AP3B1: variants seen among roughly 807,000 people sequenced by gnomAD.
The protein encoded by AP3B1 is AP-3 complex subunit beta-1.
A neutral mutation model predicts 132.5 loss-of-function variants in AP3B1; 61 were observed. The ratio of observed to expected loss-of-function variants is 0.46; its 90% CI spans 0.37 to 0.57. The LOEUF is 0.57. AP3B1 is among the 20% of genes least tolerant of loss of function. The pLI is 0.00. For synonymous variants in AP3B1, 388 were observed against 438.3 expected (o/e 0.89, Z 1.43); for missense variants, 1,120 against 1,289.4 (o/e 0.87, Z 2.01).
chr5:78,278,850 T>G (rs1169309665), intron 1 of AP3B1, among the ~76,000 whole-genome samples: 1 of 152,036 alleles, frequency 6.6e-6, no homozygotes, highest in African/African-American at 2.4e-5. Flanking sequence ...TCTTGTAAAC[T>G]GTGCATGCGA....
chr5:78,010,362 A>G (rs937493118), intron 26 of AP3B1, among the ~76,000 whole-genome samples: 3 of 152,194 alleles, frequency 2.0e-5, no homozygotes, highest in Admixed American at 1.3e-4. Context: ...GCTGCCTAAA[A>G]TAGAGATTCC....
rs115787529 is a variant in AP3B1 at position 78,191,420 on chromosome 5, C to T, written c.787-9758G>A. ...AAGAGGAAGCTGAGAGGCCTAAAAG[C>T]TCAGTAGAGCTTTCAGCAGGTTAAC... On this transcript the variant is annotated intron_variant, in intron 7 of 26. Coordinates refer to ENST00000255194, the MANE Select transcript of AP3B1 (RefSeq NM_003664.5). Among the ~76,000 whole-genome samples the T allele has an allele frequency of 7.4e-3, 1,098 of 148,404 alleles. 9 individuals are homozygous for T. Among genetic ancestry groups the T allele is most frequent in the African/African-American group, 0.026 (1,042 of 39,978 alleles).
chr5:78,266,130 T>C (rs895108181), intron 2 of AP3B1, among the ~76,000 whole-genome samples: 12 of 152,212 alleles, frequency 7.9e-5, no homozygotes, highest in Admixed American at 7.2e-4. Context: ...AATGAAGAGC[T>C]AGCAGTCAAG....
intron 7 of AP3B1, among the ~76,000 whole-genome samples, chr5:78,210,546 A>G (rs561501038): frequency 6.6e-6 from 1 of 152,336 alleles, no homozygotes; most frequent in South Asian, 2.1e-4. Flanking sequence ...TTAAACTGGC[A>G]TAAATACTGC....
At chr5:78,237,803 A>AC (rs772947245) in intron 3 of AP3B1, among the ~76,000 whole-genome samples, 1 of 152,098 alleles carries the variant, frequency 6.6e-6, no homozygotes, top group Non-Finnish European at 1.5e-5. Context: ...ACACAGCGAG[A>AC]CCCTGTCTCC....
chr5:78,151,077 C>T (rs1753630955), intron 14 of AP3B1, among the ~76,000 whole-genome samples: 1 of 152,084 alleles, frequency 6.6e-6, no homozygotes, highest in African/African-American at 2.4e-5. Context: ...CACCACCACG[C>T]CCAGCTAATT....
intron 7 of AP3B1, among the ~76,000 whole-genome samples, chr5:78,182,527 A>G (rs554010435): frequency 6.6e-6 from 1 of 152,360 alleles, no homozygotes; most frequent in Admixed American, 6.5e-5. Flanking sequence ...CTCAAGATCC[A>G]AAGAAAGACA....
chr5:78,289,133 C>T (rs147381126), intron 1 of AP3B1, among the ~76,000 whole-genome samples: 17 of 152,238 alleles, frequency 1.1e-4, no homozygotes, highest in Non-Finnish European at 2.2e-4. Context: ...TAACATCCCT[C>T]TAAGTAAATG....
At chr5:78,274,039 A>AG (rs1748669207) in intron 1 of AP3B1, among the ~76,000 whole-genome samples, 1 of 151,422 alleles carries the variant, frequency 6.6e-6, no homozygotes, top group Non-Finnish European at 1.5e-5. Context: ...AAGGAAAAAA[A>AG]AAAAAAAAAA....
chr5:78,285,080 T>A (rs13180053), intron 1 of AP3B1, among the ~76,000 whole-genome samples: 34,220 of 151,876 alleles, frequency 0.23, 4,510 homozygotes, highest in Middle Eastern at 0.3. Context: ...ACCCCGTCTC[T>A]ACTAAAAATA....
chr5:78,107,460 GAA>G (rs1182234598), intron 20 of AP3B1, among the ~76,000 whole-genome samples: 7 of 152,186 alleles, frequency 4.6e-5, no homozygotes, highest in Non-Finnish European at 8.8e-5. Flanking sequence ...TTTAAATGCT[GAA>G]AAAACCTGAA....
intron 2 of AP3B1, among the ~76,000 whole-genome samples, chr5:78,259,971 A>G (rs933078021): frequency 2.0e-5 from 3 of 151,996 alleles, no homozygotes; most frequent in Non-Finnish European, 4.4e-5. Flanking sequence ...CTCCATCTCA[A>G]AAAAACAAAA....
At chr5:78,226,639 C>T (rs1386945390) in intron 5 of AP3B1, among the ~76,000 whole-genome samples, 2 of 152,050 alleles carry the variant, frequency 1.3e-5, no homozygotes, top group African/African-American at 4.8e-5. Flanking sequence ...TAATTAAGTG[C>T]CACATCCTCT....
intron 11 of AP3B1, among the ~76,000 whole-genome samples, chr5:78,172,514 G>C (rs1010219050): frequency 6.6e-6 from 1 of 152,106 alleles, no homozygotes; most frequent in African/African-American, 2.4e-5. Flanking sequence ...TTTTCTAGTT[G>C]ATTTGCATAG....
chr5:78,276,973 A>G (rs1019989566), intron 1 of AP3B1, among the ~76,000 whole-genome samples: 4 of 92,060 alleles, frequency 4.3e-5, no homozygotes, highest in Non-Finnish European at 1.2e-4. Context: ...GAATGCTAGG[A>G]AAAAAAAACA....
intron 1 of AP3B1, among the ~76,000 whole-genome samples, chr5:78,279,925 T>TAC (rs1748978970): frequency 1.0e-5 from 1 of 98,772 alleles, no homozygotes; most frequent in Non-Finnish European, 2.6e-5. Flanking sequence ...TATATATATA[T>TAC]ATATTAGCCA....
Position 78,281,235 on chromosome 5 carries a change from G to A in AP3B1, c.128+13217C>T, listed in dbSNP as rs551434343. Among the ~76,000 whole-genome samples, 81 of 152,026 alleles carry A rather than the reference G, an allele frequency of 5.3e-4. 1 individual carries two copies. Among genetic ancestry groups the A allele is most frequent in the Admixed American group, 1.6e-3 (25 of 15,254 alleles). ...GGATCACCTGAGGTCAGCAGCTCGAGACCATCCTGACCAACATGGCAAAAC... is the reference window on the plus strand; with the variant it reads ...GGATCACCTGAGGTCAGCAGCTCGAAACCATCCTGACCAACATGGCAAAAC... On this transcript the variant is annotated intron_variant, in intron 1 of 26. Transcript: ENST00000255194.
intron 11 of AP3B1, among the ~76,000 whole-genome samples, chr5:78,173,746 G>T (rs1168040339): frequency 2.0e-5 from 3 of 151,970 alleles, no homozygotes; most frequent in Non-Finnish European, 4.4e-5. Context: ...GTAGGTTGGG[G>T]AAGTTCTCCT....
At position 78,267,640 on chromosome 5, in the gene AP3B1, A is replaced by G. The variant is rs753091699; in HGVS notation, c.129-45T>C. On this transcript the variant is annotated intron_variant, in intron 1 of 26. Transcript: ENST00000255194. Reference sequence around the variant, plus strand: ...AAAAAATCCATACTTTGATTTTTATATTAGATAGCTTAAAATATATCATTT... The same window carrying G: ...AAAAAATCCATACTTTGATTTTTATGTTAGATAGCTTAAAATATATCATTT... 7.1e-6 allele frequency: 8 copies of G among 1,131,444 alleles called. No homozygotes were observed. The African/African-American group carries it at 1.1e-4, about 15-fold the overall frequency. 70.1% of individuals were successfully genotyped at this position (1,131,444 alleles called of 1,614,324 possible).
Sources: allele counts gnomAD v4.1 joint callset (sites outside exome capture counted in the v4.1 genomes callset), GRCh38; gene constraint gnomAD v4.1.1; transcripts MANE v1.5; gene names NCBI Gene and HGNC (gene_info 2026-07-23, HGNC 2026-07-21).